HSF5: variants seen among roughly 807,000 people sequenced by gnomAD.
HSF5 encodes the protein heat shock transcription factor 5.
Under a neutral mutation model 50.8 loss-of-function variants are expected in HSF5, and 5 were observed. The observed-to-expected ratio is 0.10, with a 90% CI of 0.05 to 0.21. HSF5 has a LOEUF of 0.21. Ranked by LOEUF, HSF5 falls within the 10% of genes least tolerant of loss-of-function variation. HSF5 has a pLI of 1.00. For missense variants in HSF5, 564 were observed against 762.6 expected (o/e 0.74, Z 3.07); for synonymous variants, 307 against 307.4 (o/e 1.00, Z 0.02).
intron 5 of HSF5, among the ~76,000 whole-genome samples, chr17:58,438,404 T>C (rs370483405): frequency 1.5e-4 from 23 of 152,288 alleles, no homozygotes; most frequent in African/African-American, 5.3e-4. Flanking sequence ...ACTAATGACA[T>C]AGTTCTCAGA....
chr17:58,442,735 C>CTTTT (rs1974514965), intron 5 of HSF5, among the ~76,000 whole-genome samples: 2 of 151,910 alleles, frequency 1.3e-5, no homozygotes, highest in East Asian at 3.9e-4. Context: ...TCCTTTAATT[C>CTTTT]TTTTTTGTTT....
At chr17:58,424,422 C>T (rs1223811510) in intron 5 of HSF5, among the ~76,000 whole-genome samples, 1 of 151,938 alleles carries the variant, frequency 6.6e-6, no homozygotes, top group Non-Finnish European at 1.5e-5. Context: ...ACCATCCTGG[C>T]TAATATGGTG....
chr17:58,467,123 G>A (rs776441987), intron 2 of HSF5, 144 bp from the exon 3 acceptor site: 1 of 597,392 alleles, frequency 1.7e-6, no homozygotes, highest in African/African-American at 1.9e-5. Flanking sequence ...GTCCAATTAG[G>A]TGGTGTTATT....
chr17:58,485,796 G>A (rs915443195), intron 1 of HSF5, among the ~76,000 whole-genome samples: 1 of 150,020 alleles, frequency 6.7e-6, no homozygotes, highest in African/African-American at 2.5e-5. Context: ...GCCATGTGAA[G>A]TGGCTCACAC....
intron 5 of HSF5, among the ~76,000 whole-genome samples, chr17:58,453,478 C>A (rs1370734579): frequency 6.6e-6 from 1 of 151,958 alleles, no homozygotes; most frequent in Non-Finnish European, 1.5e-5. Flanking sequence ...CCTGTAATCC[C>A]TGCTACTCAG....
intron 1 of HSF5, among the ~76,000 whole-genome samples, chr17:58,484,201 T>G (rs1205590849): frequency 3.6e-5 from 5 of 137,126 alleles, no homozygotes. Flanking sequence ...GGTAGAATGG[T>G]AAGGAAAAAA....
chr17:58,468,243 C>G (rs945730289), intron 2 of HSF5, among the ~76,000 whole-genome samples: 2 of 152,000 alleles, frequency 1.3e-5, no homozygotes, highest in Non-Finnish European at 2.9e-5. Context: ...ACAAAAAATA[C>G]AAAAAACAGC....
chr17:58,478,078 G>A (rs1975041588), intron 2 of HSF5, among the ~76,000 whole-genome samples: 1 of 151,524 alleles, frequency 6.6e-6, no homozygotes, highest in South Asian at 2.1e-4. Flanking sequence ...TTTCATCATT[G>A]TGTAAAAAGC....
chr17:58,444,991 A>G (rs1974540441), intron 5 of HSF5, among the ~76,000 whole-genome samples: 1 of 152,190 alleles, frequency 6.6e-6, no homozygotes, highest in African/African-American at 2.4e-5. Context: ...GATACTAAAC[A>G]TCACTAATTA....
chr17:58,444,073 G>A (rs1384624146), intron 5 of HSF5, among the ~76,000 whole-genome samples: 2 of 152,162 alleles, frequency 1.3e-5, no homozygotes, highest in African/African-American at 2.4e-5. Flanking sequence ...AGTACTGAAA[G>A]AAATTAAAGA....
intron 5 of HSF5, among the ~76,000 whole-genome samples, chr17:58,451,945 C>CT (rs1292662086): frequency 3.7e-5 from 2 of 54,568 alleles, no homozygotes; most frequent in East Asian, 5.4e-4. Flanking sequence ...TTTAGTTAGA[C>CT]TTTAAAAAAA....
chr17:58,423,064 A>G (rs1490914376), intron 5 of HSF5, among the ~76,000 whole-genome samples: 1 of 152,202 alleles, frequency 6.6e-6, no homozygotes, highest in Non-Finnish European at 1.5e-5. Flanking sequence ...GAATATACAC[A>G]TACAAATAAA....
intron 5 of HSF5, among the ~76,000 whole-genome samples, chr17:58,440,601 G>A (rs2531725): frequency 0.65 from 98,801 of 152,080 alleles, 32,508 homozygotes; most frequent in African/African-American, 0.74. Context: ...AGTAGCCACT[G>A]TGGTTGAGAA....
At chr17:58,468,482 T>C (rs1195083428) in intron 2 of HSF5, among the ~76,000 whole-genome samples, 3 of 152,208 alleles carry the variant, frequency 2.0e-5, no homozygotes, top group Non-Finnish European at 2.9e-5. Flanking sequence ...GTAGTTTTAC[T>C]AGAATTCTAC....
Position 58,424,051 on chromosome 17 carries a change from C to T in HSF5, c.1721-1621G>A, listed in dbSNP as rs116217963. Among the ~76,000 whole-genome samples the T allele has an allele frequency of 8.4e-3, 1,279 of 152,236 alleles. 14 individuals carry two copies. Among genetic ancestry groups the T allele is most frequent in the African/African-American group, 0.028 (1,171 of 41,522 alleles). ...CATATTTTGTAAAAGACAGACTAGT[C>T]ACCAGGGATAGGTGCTTACTCATCT... On this transcript the variant is annotated intron_variant, in intron 5 of 5. Coordinates refer to ENST00000323777, the MANE Select transcript of HSF5 (RefSeq NM_001080439.3).
intron 3 of HSF5, among the ~76,000 whole-genome samples, chr17:58,464,355 T>G (rs1170137670): frequency 6.6e-6 from 1 of 152,202 alleles, no homozygotes; most frequent in Non-Finnish European, 1.5e-5. Flanking sequence ...ATGATAAAAC[T>G]GAGGTCCAGA....
At chr17:58,428,020 T>C (rs1371907027) in intron 5 of HSF5, among the ~76,000 whole-genome samples, 3 of 152,248 alleles carry the variant, frequency 2.0e-5, no homozygotes, top group African/African-American at 7.2e-5. Flanking sequence ...AATAAAACTT[T>C]ATGGACATTG....
intron 4 of HSF5, among the ~76,000 whole-genome samples, chr17:58,460,368 T>C (rs1337771929): frequency 6.6e-6 from 1 of 152,024 alleles, no homozygotes; most frequent in Non-Finnish European, 1.5e-5. Context: ...GTAAATCCCT[T>C]TGTCAAGTTG....
chr17:58,428,060 T>C (rs772203487), intron 5 of HSF5, among the ~76,000 whole-genome samples: 4 of 152,226 alleles, frequency 2.6e-5, no homozygotes, highest in Non-Finnish European at 5.9e-5. Context: ...TTTTCATGTA[T>C]CATGAAATAT....
Sources: allele counts gnomAD v4.1 joint callset (sites outside exome capture counted in the v4.1 genomes callset), GRCh38; gene constraint gnomAD v4.1.1; transcripts MANE v1.5; gene names NCBI Gene and HGNC (gene_info 2026-07-23, HGNC 2026-07-21).